TIGAR: variants seen among roughly 807,000 people sequenced by gnomAD.
TIGAR encodes the protein fructose-2,6-bisphosphatase TIGAR.
A neutral mutation model predicts 17.9 loss-of-function variants in TIGAR; 7 were observed. The ratio of observed to expected loss-of-function variants is 0.39; its 90% CI spans 0.22 to 0.73. The LOEUF (loss-of-function observed/expected upper bound fraction) is 0.73. TIGAR is among the 30% of genes least tolerant of loss of function. TIGAR has a pLI of 0.42. For missense variants in TIGAR, 258 were observed against 327.4 expected (o/e 0.79, Z 1.64); for synonymous variants, 94 against 108.6 (o/e 0.87, Z 0.84).
intron 3 of TIGAR, among the ~76,000 whole-genome samples, chr12:4,340,371 A>G (rs895378591): frequency 6.6e-6 from 1 of 152,232 alleles, no homozygotes; most frequent in Admixed American, 6.5e-5. Context: ...AAGGAAAACT[A>G]TAAGACACTG....
chr12:4,337,235 C>G, intron 3 of TIGAR, 75 bp downstream of exon 3: 1 of 1,082,206 alleles, frequency 9.2e-7, no homozygotes, highest in Non-Finnish European at 1.3e-6. Context: ...GGTGCAGTCT[C>G]TGTTCACTGC....
intron 3 of TIGAR, among the ~76,000 whole-genome samples, chr12:4,341,681 G>A (rs1026671714): frequency 6.6e-6 from 1 of 151,174 alleles, no homozygotes; most frequent in African/African-American, 2.5e-5. Context: ...TGAGGATCCT[G>A]ACTGTTAGAA....
intron 1 of TIGAR, among the ~76,000 whole-genome samples, chr12:4,328,689 G>C (rs1344088935): frequency 6.6e-6 from 1 of 150,936 alleles, no homozygotes; most frequent in Non-Finnish European, 1.5e-5. Context: ...CGATTCTTCT[G>C]CCTCAGCCTC....
At chr12:4,347,255 T>C (rs1864791177) in intron 3 of TIGAR, among the ~76,000 whole-genome samples, 1 of 151,860 alleles carries the variant, frequency 6.6e-6, no homozygotes, top group African/African-American at 2.4e-5. Flanking sequence ...ACAACATGGA[T>C]GGAACTGGAG....
At chr12:4,350,086 A>G (rs1457295106) in intron 4 of TIGAR, among the ~76,000 whole-genome samples, 190 bp downstream of exon 4, 2 of 152,232 alleles carry the variant, frequency 1.3e-5, no homozygotes, top group Non-Finnish European at 2.9e-5. Flanking sequence ...AAATCAAACG[A>G]GACAAGCATC....
At chr12:4,351,146 A>T in intron 4 of TIGAR, 121 bp from the exon 5 acceptor site, 1 of 811,298 alleles carries the variant, frequency 1.2e-6, no homozygotes, top group Non-Finnish European at 2.0e-6. Context: ...AGATAGAATC[A>T]ATTAAGTGGA....
chr12:4,329,125 A>G (rs189927117), intron 1 of TIGAR, among the ~76,000 whole-genome samples: 300 of 152,060 alleles, frequency 2.0e-3, no homozygotes, highest in Non-Finnish European at 3.5e-3. Context: ...ACTTAATCAT[A>G]TATCTTGGTG....
intron 1 of TIGAR, among the ~76,000 whole-genome samples, chr12:4,322,713 G>T (rs541625416): frequency 7.9e-5 from 12 of 152,252 alleles, no homozygotes; most frequent in Middle Eastern, 3.4e-3. Context: ...TCCTTTATAA[G>T]AAAGATAATC....
Position 4,358,465 on chromosome 12 carries a change from C to T in TIGAR, c.*5774C>T, listed in dbSNP as rs1423272203. ...CTGTATACTCTTCACACTTATTCAC[C>T]ACTTGCTTACCTGTTGTCCCACTTG... On this transcript the variant is annotated 3_prime_UTR_variant, in exon 6 of 6. Transcript: ENST00000179259. Among the ~76,000 whole-genome samples the T allele has an allele frequency of 6.6e-6, 1 of 152,038 alleles. No homozygotes were observed. Among genetic ancestry groups the T allele is most frequent in the Non-Finnish European group, 1.5e-5 (1 of 68,006 alleles).
intron 1 of TIGAR, among the ~76,000 whole-genome samples, chr12:4,326,727 A>C (rs1864550372): frequency 6.6e-6 from 1 of 152,216 alleles, no homozygotes; most frequent in South Asian, 2.1e-4. Flanking sequence ...ACATTTTGAC[A>C]GTGTAAACCT....
chr12:4,354,788 A>G lies in TIGAR; in HGVS notation c.*2097A>G, dbSNP rs1374275985. Among the ~76,000 whole-genome samples the G allele has an allele frequency of 4.1e-5, 6 of 147,700 alleles. No individual in the cohort carries two copies. Among genetic ancestry groups the G allele is most frequent in the Admixed American group, 6.8e-5 (1 of 14,698 alleles). ...TCTCTGTTGCCCAGGCTGGGGTGCA[A>G]TGGCGTGATCTTGGCTCACTGCAAC... On this transcript the variant is annotated 3_prime_UTR_variant, in exon 6 of 6. Coordinates refer to ENST00000179259, the MANE Select transcript of TIGAR (RefSeq NM_020375.3).
intron 3 of TIGAR, among the ~76,000 whole-genome samples, chr12:4,347,257 G>A (rs1040939771): frequency 4.6e-5 from 7 of 152,128 alleles, no homozygotes; most frequent in African/African-American, 1.7e-4. Context: ...AACATGGATG[G>A]AACTGGAGGT....
chr12:4,327,582 ACT>A (rs1374257663), intron 1 of TIGAR, among the ~76,000 whole-genome samples: 2 of 152,000 alleles, frequency 1.3e-5, no homozygotes, highest in African/African-American at 4.8e-5. Flanking sequence ...ACAGGAATAT[ACT>A]CTCAAATTAT....
intron 3 of TIGAR, among the ~76,000 whole-genome samples, chr12:4,341,931 C>T (rs1206880547): frequency 6.6e-6 from 1 of 152,158 alleles, no homozygotes; most frequent in Admixed American, 6.5e-5. Context: ...GATGATCAGA[C>T]TTCTCTGAGC....
chr12:4,351,531 A>C (rs964389287), intron 5 of TIGAR, among the ~76,000 whole-genome samples, 154 bp downstream of exon 5: 3 of 152,202 alleles, frequency 2.0e-5, no homozygotes, highest in Admixed American at 6.5e-5. Context: ...TCTATTTAAA[A>C]TCTTATTTAC....
intron 3 of TIGAR, among the ~76,000 whole-genome samples, chr12:4,346,905 A>T (rs1837885830): frequency 6.6e-6 from 1 of 152,210 alleles, no homozygotes; most frequent in African/African-American, 2.4e-5. Context: ...TAACACATGC[A>T]GGCAAGGCCA....
intron 1 of TIGAR, among the ~76,000 whole-genome samples, chr12:4,322,001 T>TTA (rs898370832): frequency 5.1e-5 from 6 of 116,686 alleles, no homozygotes; most frequent in African/African-American, 1.8e-4. Context: ...TATTTTTATT[T>TTA]TTTTTTTTTT....
At chr12:4,324,508 G>A (rs1591658114) in intron 1 of TIGAR, 1 of 1,609,482 alleles carries the variant, frequency 6.2e-7, no homozygotes, top group East Asian at 2.2e-5. Flanking sequence ...CTGGTTGAAG[G>A]TCTTGCCGTT....
At position 4,336,446 on chromosome 12, in the gene TIGAR, G is replaced by GCACACACACA. The variant is rs10595001; in HGVS notation, c.71-553_71-544dup. ...TATGTTCTGTGGGCCCAGCAATGCA[G>GCACACACACA]CACACACACACACACACACACACAC... is the stretch of plus-strand genomic sequence containing the variant. On this transcript the variant is annotated intron_variant, in intron 2 of 5. Transcript: ENST00000179259. Among the ~76,000 whole-genome samples, 1,058 of 138,532 alleles carry GCACACACACA rather than the reference G, an allele frequency of 7.6e-3. 9 individuals are homozygous for GCACACACACA. The highest frequency in any genetic ancestry group is 0.024 in the African/African-American group (881 of 36,948). 90.9% of individuals were successfully genotyped at this position (138,532 alleles called of 152,430 possible). A position where few individuals can be genotyped will look rare whatever the true frequency, so the allele number is the denominator to read the frequency against.
Sources: allele counts gnomAD v4.1 joint callset (sites outside exome capture counted in the v4.1 genomes callset), GRCh38; gene constraint gnomAD v4.1.1; transcripts MANE v1.5; gene names NCBI Gene and HGNC (gene_info 2026-07-23, HGNC 2026-07-21).